RASA2: variants seen among roughly 807,000 people sequenced by gnomAD.
RASA2 encodes the protein RAS p21 protein activator 2.
A neutral mutation model predicts 118.2 loss-of-function variants in RASA2; 155 were observed. That is an observed-to-expected ratio of 1.31 (90% CI 1.15 to 1.50). RASA2 has a LOEUF of 1.50. Ranked by LOEUF, RASA2 falls within the 40% of genes most tolerant of loss-of-function variation. The pLI is 0.00. For synonymous variants in RASA2, 353 were observed against 349.1 expected, an observed-to-expected ratio of 1.01 and a Z score of -0.12; for missense variants, 1,016 against 1,009.6, an observed-to-expected ratio of 1.01 and a Z score of -0.09.
intron 4 of RASA2, among the ~76,000 whole-genome samples, chr3:141,537,842 A>AT (rs1239241114): frequency 6.6e-6 from 1 of 151,770 alleles, no homozygotes; most frequent in African/African-American, 2.4e-5. Context: ...TGCTTTCCTC[A>AT]TTTTTTCTCT....
At chr3:141,590,641 G>C (rs1300513740) in intron 19 of RASA2, among the ~76,000 whole-genome samples, 1 of 152,192 alleles carries the variant, frequency 6.6e-6, no homozygotes, top group Non-Finnish European at 1.5e-5. Flanking sequence ...AGACTTGCTA[G>C]TTAATTAGTC....
intron 1 of RASA2, among the ~76,000 whole-genome samples, chr3:141,506,059 C>T (rs2081861359): frequency 6.6e-6 from 1 of 152,114 alleles, no homozygotes; most frequent in South Asian, 2.1e-4. Flanking sequence ...AAAATCCACC[C>T]TTTAAGAAAG....
At chr3:141,532,899 G>GT (rs201500565) in intron 4 of RASA2, among the ~76,000 whole-genome samples, 47 of 151,394 alleles carry the variant, frequency 3.1e-4, no homozygotes, top group South Asian at 1.5e-3. Flanking sequence ...TTTAAATATT[G>GT]TTTTTTTTCT....
At chr3:141,526,926 G>T (rs1000772814) in intron 3 of RASA2, among the ~76,000 whole-genome samples, 5 of 152,208 alleles carry the variant, frequency 3.3e-5, no homozygotes, top group African/African-American at 9.7e-5. Flanking sequence ...TATATTACCT[G>T]TGTGACTAAG....
At chr3:141,595,677 C>T (rs2083355111) in intron 19 of RASA2, among the ~76,000 whole-genome samples, 1 of 151,674 alleles carries the variant, frequency 6.6e-6, no homozygotes, top group Non-Finnish European at 1.5e-5. Flanking sequence ...CTCTGTCTCC[C>T]AAGCTGGAGT....
Position 141,612,407 on chromosome 3 carries a change from A to G in RASA2, c.*94A>G. 9.9e-7 allele frequency: 1 copy of G among 1,014,944 alleles called. No individual in the cohort carries two copies. Among genetic ancestry groups the G allele is most frequent in the Non-Finnish European group, 1.5e-6 (1 of 686,720 alleles). 62.9% of individuals were successfully genotyped at this position (1,014,944 alleles called of 1,614,324 possible). A position where few individuals can be genotyped will look rare whatever the true frequency, so the allele number is the denominator to read the frequency against. On this transcript the variant is annotated 3_prime_UTR_variant, in exon 24 of 24. Transcript: ENST00000286364. ...ATTTTGTTCATGGTATTTAAGAATG[A>G]GCATCCGCTTCAATGTCATCTGCCT...
In RASA2 at chr3:141,487,098, G is replaced by A. The variant is rs766091284; in HGVS notation, c.15G>A (p.Ala5=). ...CGGGCGGCACCATGGCGGCGGCGGC[G>A]CCTGCTGCTGCGGCGGCTTCTTCCG... MAAA[A]PAAAAASSEA... is the part of the protein sequence containing the mutation. The change falls in exon 1 of 24, where the codon GCG becomes GCA. Residue 5 remains alanine (A), a synonymous_variant. Transcript: ENST00000286364. 3 of 1,386,054 alleles carry A rather than the reference G, an allele frequency of 2.2e-6. No homozygotes were observed. Among genetic ancestry groups the A allele is most frequent in the Non-Finnish European group, 2.8e-6 (3 of 1,056,544 alleles). 85.9% of individuals were successfully genotyped at this position (1,386,054 alleles called of 1,614,324 possible).
chr3:141,527,410 A>G (rs1044026774), intron 3 of RASA2, among the ~76,000 whole-genome samples: 1 of 152,154 alleles, frequency 6.6e-6, no homozygotes, highest in African/African-American at 2.4e-5. Flanking sequence ...GGGAGAGGAC[A>G]TAAAAGATAC....
At chr3:141,532,207 C>T (rs1368429289) in intron 4 of RASA2, among the ~76,000 whole-genome samples, 1 of 152,110 alleles carries the variant, frequency 6.6e-6, no homozygotes, top group Non-Finnish European at 1.5e-5. Flanking sequence ...TCCAGAGTCA[C>T]AGAACTACTA....
chr3:141,603,738 C>T (rs2083502528), intron 19 of RASA2, among the ~76,000 whole-genome samples: 1 of 152,124 alleles, frequency 6.6e-6, no homozygotes, highest in African/African-American at 2.4e-5. Flanking sequence ...CATTAACAGT[C>T]ACTCCCCATT....
chr3:141,560,346 T>G (rs1348322469), intron 9 of RASA2, among the ~76,000 whole-genome samples: 1 of 152,194 alleles, frequency 6.6e-6, no homozygotes. Flanking sequence ...AGAAGTTTTA[T>G]TAGTGGTCAT....
chr3:141,506,874 C>G (rs1480670664), intron 1 of RASA2, among the ~76,000 whole-genome samples: 1 of 149,960 alleles, frequency 6.7e-6, no homozygotes, highest in Admixed American at 6.6e-5. Flanking sequence ...CATGATTGTG[C>G]CACTGCACTC....
At chr3:141,589,678 C>T (rs1328714772) in intron 19 of RASA2, among the ~76,000 whole-genome samples, 1 of 151,674 alleles carries the variant, frequency 6.6e-6, no homozygotes, top group African/African-American at 2.4e-5. Flanking sequence ...CCATGTCTAC[C>T]AAAAATACAA....
chr3:141,554,817 G>A (rs1192539151), intron 6 of RASA2, among the ~76,000 whole-genome samples: 6 of 151,880 alleles, frequency 4.0e-5, no homozygotes, highest in African/African-American at 7.3e-5. Flanking sequence ...ATACTCAGTC[G>A]TATGACATTA....
intron 19 of RASA2, among the ~76,000 whole-genome samples, chr3:141,603,592 A>G (rs943113004): frequency 6.6e-6 from 1 of 152,142 alleles, no homozygotes; most frequent in African/African-American, 2.4e-5. Context: ...AAAAAATAAA[A>G]TTTAGATATA....
chr3:141,516,780 GT>G (rs963937406), intron 3 of RASA2, among the ~76,000 whole-genome samples: 54 of 140,786 alleles, frequency 3.8e-4, no homozygotes, highest in African/African-American at 8.3e-4. Context: ...CTCTTTTTTT[GT>G]TTTTTTTTTT....
intron 4 of RASA2, among the ~76,000 whole-genome samples, chr3:141,533,692 A>G (rs570000513): frequency 2.2e-4 from 33 of 152,280 alleles, no homozygotes; most frequent in Non-Finnish European, 2.5e-4. Context: ...TTTCATCTTC[A>G]GTAGTTCAAA....
intron 7 of RASA2, among the ~76,000 whole-genome samples, chr3:141,557,208 G>C (rs1359953847): frequency 6.6e-6 from 1 of 152,166 alleles, no homozygotes; most frequent in Non-Finnish European, 1.5e-5. Context: ...CATTCATTCA[G>C]AGGGCCTTTA....
chr3:141,605,342 G>C (rs2107798370), intron 19 of RASA2, among the ~76,000 whole-genome samples: 1 of 152,002 alleles, frequency 6.6e-6, no homozygotes, highest in South Asian at 2.1e-4. Context: ...TTTTCTTCTT[G>C]TACTGTATTT....
Sources: gnomAD v4.1 joint callset for allele counts (sites outside exome capture counted in the v4.1 genomes callset) on GRCh38, gnomAD v4.1.1 for gene constraint, MANE v1.5 for transcripts, NCBI Gene and HGNC (gene_info 2026-07-23, HGNC 2026-07-21) for gene names.